CLCN2: variants seen among roughly 807,000 people sequenced by gnomAD.
CLCN2 encodes the protein chloride voltage-gated channel 2, also known as chloride channel protein 2.
Under a neutral mutation model 108.3 loss-of-function variants are expected in CLCN2, and 72 were observed. The observed-to-expected ratio is 0.66, with a 90% CI of 0.55 to 0.81. The LOEUF (loss-of-function observed/expected upper bound fraction) is 0.81. Ranked by LOEUF, CLCN2 falls within the 30% of genes least tolerant of loss-of-function variation. CLCN2 has a pLI of 0.00. For missense variants in CLCN2, 1,048 were observed against 1,205.2 expected (o/e 0.87, Z 1.93); for synonymous variants, 471 against 467.1 (o/e 1.01, Z -0.11).
In CLCN2 at chr3:184,357,281, AG is replaced by A. The variant is rs758836588; in HGVS notation, c.899-16del. The A allele has an allele frequency of 1.9e-5, 30 of 1,613,930 alleles. No homozygotes were observed. Among genetic ancestry groups the A allele is most frequent in the Non-Finnish European group, 2.5e-5 (29 of 1,180,024 alleles). On this transcript the variant is annotated splice_polypyrimidine_tract_variant and intron_variant, in intron 8 of 23. Coordinates refer to ENST00000265593, the MANE Select transcript of CLCN2 (RefSeq NM_004366.6). ...TGTAATAGTCTCTAAAGGGAAGAACAGCAGAGGGAGGCAGGCCTAGCCTCGT... is the reference window on the plus strand; with the variant it reads ...TGTAATAGTCTCTAAAGGGAAGAACACAGAGGGAGGCAGGCCTAGCCTCGT...
rs1711582891 is a variant in CLCN2 at position 184,358,622 on chromosome 3, G to C, written c.352+60C>G. ...GACGCCTTCCTCCATGTCTAGACGAGTGTGGCATGGACGCAGGAGGTTTAT... is the reference window on the plus strand; with the variant it reads ...GACGCCTTCCTCCATGTCTAGACGACTGTGGCATGGACGCAGGAGGTTTAT... On this transcript the variant is annotated intron_variant, in intron 3 of 23. Transcript: ENST00000265593. The C allele has an allele frequency of 3.2e-6, 5 of 1,544,492 alleles. No individual in the cohort carries two copies. In the South Asian group the frequency reaches 4.8e-5, roughly 15 times the overall value.
In CLCN2 at chr3:184,346,803, G is replaced by A. The variant is rs1349878468; in HGVS notation, c.2503-3C>T. The A allele has an allele frequency of 6.2e-7, 1 of 1,614,062 alleles. No homozygotes were observed. The highest frequency in any genetic ancestry group is 2.2e-5 in the East Asian group (1 of 44,880). Reference sequence around the variant, plus strand: ...GAGCCCTCGATGGCCTTCCGGAGCTGGAAAGGTGAGAGGGACAGATGTCTG... The same window carrying A: ...GAGCCCTCGATGGCCTTCCGGAGCTAGAAAGGTGAGAGGGACAGATGTCTG... On this transcript the variant is annotated splice_polypyrimidine_tract_variant and splice_region_variant and intron_variant, in intron 23 of 23. Transcript: ENST00000265593. This position sits in a 1 kb window ranked among gnomAD's most constrained non-coding sequence, Gnocchi z 6.0.
rs560383335 is a variant in CLCN2, at chr3:184,357,354, GC to G, written c.898+7del. ...CTCGGGCTGCCCTCATCCCCTGGGTGCCCCCACCTTCATCCCGGTTCCAGAC... is the reference window on the plus strand; with the variant it reads ...CTCGGGCTGCCCTCATCCCCTGGGTGCCCCACCTTCATCCCGGTTCCAGAC... On this transcript the variant is annotated splice_region_variant and intron_variant, in intron 8 of 23. Coordinates refer to ENST00000265593, the MANE Select transcript of CLCN2 (RefSeq NM_004366.6). The G allele has an allele frequency of 3.3e-5, 53 of 1,614,054 alleles. No individual in the cohort carries two copies. In the African/African-American group the frequency reaches 5.7e-4, roughly 17 times the overall value.
chr3:184,358,528 G>A, intron 3 of CLCN2, 154 bp downstream of exon 3: 7 of 1,169,494 alleles, frequency 6.0e-6, no homozygotes, highest in South Asian at 5.3e-5. Context: ...CTGTGGGAGT[G>A]GCCGAGATGA....
chr3:184,358,416 T>G, intron 3 of CLCN2, 106 bp from the exon 4 acceptor site: 2 of 1,520,870 alleles, frequency 1.3e-6, no homozygotes, highest in Non-Finnish European at 9.1e-7. Context: ...CCACACAGAG[T>G]CAGGGCATGG....
At position 184,357,057 on chromosome 3, in the gene CLCN2, G is replaced by A; in HGVS notation, c.1021C>T (p.Leu341=). ...SGFGGALFVY[L]NRKIVQVMRK... The stretch of plus-strand genomic sequence containing the variant: ...ATCACCTGGACAATCTTCCGGTTCA[G>A]GTAGACAAAGAGGGCTCCACCGAAG... The change falls in exon 10 of 24, where the codon CTG becomes TTG. Residue 341 remains leucine, a synonymous_variant. Coordinates refer to ENST00000265593, the MANE Select transcript of CLCN2 (RefSeq NM_004366.6). The A allele has an allele frequency of 6.2e-7, 1 of 1,613,748 alleles. No homozygotes were observed. Among genetic ancestry groups the A allele is most frequent in the Non-Finnish European group, 8.5e-7 (1 of 1,179,890 alleles).
Position 184,358,303 on chromosome 3 carries a change from C to G in CLCN2, c.360G>C (p.Gln120His). 1.2e-6 allele frequency: 2 copies of G among 1,613,976 alleles called. No individual in the cohort carries two copies. The highest frequency in any genetic ancestry group is 1.1e-5 in the South Asian group (1 of 91,092). ...TGGTGTTCAAGCCCCGGGACATCCA[C>G]TGCTGGGCTGTGGGAAGAGGACCTG... ...YAIAACLQAQ[Q>H]WMSRGLNTSI... The change falls in exon 4 of 24, where the codon CAG (glutamine) becomes CAC (histidine). Residue 120 changes from glutamine to histidine, a missense_variant. Transcript: ENST00000265593.
At chr3:184,347,833 C>A in intron 22 of CLCN2, 1 of 152,488 alleles carries the variant, frequency 6.6e-6, no homozygotes. Context: ...TTTAAGCCCT[C>A]CCCTAAGCTT....
At chr3:184,356,684 T>C in intron 10 of CLCN2, 1 of 397,946 alleles carries the variant, frequency 2.5e-6, no homozygotes, top group Middle Eastern at 7.9e-4. Context: ...CCATGGGTCA[T>C]GGGGGGAACC....
At chr3:184,351,975 G>A (rs891293084) in intron 22 of CLCN2, 38 bp downstream of exon 22, 2 of 1,458,320 alleles carry the variant, frequency 1.4e-6, no homozygotes, top group Non-Finnish European at 1.9e-6. Context: ...TGTGTCCTGA[G>A]AGCCTAGACC....
Position 184,358,085 on chromosome 3 carries a change from G to T in CLCN2, c.492C>A (p.Ile164=), listed in dbSNP as rs766074760. Residue 164 remains isoleucine, a synonymous_variant, in exon 5 of 24, where the codon ATC becomes ATA. Transcript: ENST00000265593. ...ILAPQAVGSG[I]PEMKTILRGV... Reference sequence around the variant, plus strand: ...CCCGCAAGATGGTCTTCATCTCAGGGATGCCAGAGCCTGGAGAGGGAACAG... The same window carrying T: ...CCCGCAAGATGGTCTTCATCTCAGGTATGCCAGAGCCTGGAGAGGGAACAG... The T allele has an allele frequency of 3.1e-6, 5 of 1,614,002 alleles. No homozygotes were observed. In the Admixed American group the frequency reaches 5.0e-5, roughly 16 times the overall value.
In CLCN2 at chr3:184,352,456, C is replaced by T. The variant is rs151278282; in HGVS notation, c.2258G>A (p.Arg753Gln). The change falls in exon 20 of 24, where the codon CGA becomes CAA. Residue 753 changes from arginine (R) to glutamine (Q), a missense_variant. Physicochemically the swap from Arg to Gln is conservative, Grantham distance 43. Transcript: ENST00000265593. ...AGGCATACTTACTGCCAGGGAGATT[C>T]GGACACGCTTCAGCTTGCGCTTCTC... is the stretch of plus-strand genomic sequence containing the variant. The part of the protein sequence containing the change: ...SCEKRKLKRV[R>Q]ISLASDADLE... 3.7e-6 allele frequency: 6 copies of T among 1,613,162 alleles called. No individual in the cohort carries two copies. The African/African-American group carries it at 5.3e-5, about 14-fold the overall frequency.
At position 184,358,160 on chromosome 3, in the gene CLCN2, C is replaced by T. The variant is rs770445535; in HGVS notation, c.481+22G>A. 2.5e-6 allele frequency: 4 copies of T among 1,614,166 alleles called. No individual in the cohort carries two copies. In the Admixed American group the frequency reaches 5.0e-5, roughly 20 times the overall value. ...CCATTTCAGGGGTCCCGCCTCTGCC[C>T]TCCCCTTCTCTTCTAACATACCGAC... On this transcript the variant is annotated intron_variant, in intron 4 of 23. Coordinates refer to ENST00000265593, the MANE Select transcript of CLCN2 (RefSeq NM_004366.6).
In CLCN2 at chr3:184,355,619, T is replaced by C. The variant is rs189517718; in HGVS notation, c.1170+75A>G. 1 of 1,600,632 alleles carries C rather than the reference T, an allele frequency of 6.2e-7. No homozygotes were observed. Among genetic ancestry groups the C allele is most frequent in the East Asian group, 2.2e-5 (1 of 44,810 alleles). On this transcript the variant is annotated intron_variant, in intron 11 of 23. Transcript: ENST00000265593. This position sits in a 1 kb window ranked among gnomAD's most constrained non-coding sequence, Gnocchi z 6.3. Reference sequence around the variant, plus strand: ...CCACGGGGAACAAGGGGTCCCACAGTCACACTGGGGCTGTTGGCTTTGGAG... The same window carrying C: ...CCACGGGGAACAAGGGGTCCCACAGCCACACTGGGGCTGTTGGCTTTGGAG...
Position 184,346,711 on chromosome 3 carries a change from G to A in CLCN2, c.2592C>T (p.Ser864=). Residue 864 remains serine, a synonymous_variant, in exon 24 of 24, where the codon AGC becomes AGT. Transcript: ENST00000265593. This position sits in a 1 kb window ranked among gnomAD's most constrained non-coding sequence, Gnocchi z 6.0. ...GCACCTCAGTGGTCTCCGTGTCACTGCTGCTGGTGGCACTGTCTCGGAAGC... is the reference window on the plus strand; with the variant it reads ...GCACCTCAGTGGTCTCCGTGTCACTACTGCTGGTGGCACTGTCTCGGAAGC... ...LASFRDSATS[S]SDTETTEVHA... 1.2e-6 allele frequency: 2 copies of A among 1,614,188 alleles called. No homozygotes were observed. Among genetic ancestry groups the A allele is most frequent in the Non-Finnish European group, 1.7e-6 (2 of 1,180,026 alleles).
chr3:184,347,109 G>T, intron 22 of CLCN2, 88 bp from the exon 23 acceptor site: 2 of 1,134,880 alleles, frequency 1.8e-6, no homozygotes, highest in Non-Finnish European at 1.3e-6. Flanking sequence ...CAAGGTTGGT[G>T]TGGAATAGGA....
At chr3:184,352,663 T>C in intron 19 of CLCN2, 74 bp downstream of exon 19, 1 of 1,535,972 alleles carries the variant, frequency 6.5e-7, no homozygotes, top group Non-Finnish European at 9.0e-7. Flanking sequence ...ACTGCAGGGT[T>C]AATGACGTGG....
rs1728366693 is a variant in CLCN2 at position 184,354,329 on chromosome 3, A to T, written c.1508-15T>A. 1 of 1,611,314 alleles carries T rather than the reference A, an allele frequency of 6.2e-7. No individual in the cohort carries two copies. Among genetic ancestry groups the T allele is most frequent in the Middle Eastern group, 1.7e-4 (1 of 6,054 alleles). ...CGCAGCTGCCCCTGGGGACAGTCAC[A>T]CTCAGTCTCCTCAGGGTGCCCAGGT... On this transcript the variant is annotated splice_polypyrimidine_tract_variant and intron_variant, in intron 14 of 23. Transcript: ENST00000265593.
chr3:184,359,135 G>C lies in CLCN2; in HGVS notation c.64-4C>G. The C allele has an allele frequency of 6.2e-7, 1 of 1,613,672 alleles. No individual in the cohort carries two copies. Among genetic ancestry groups the C allele is most frequent in the Non-Finnish European group, 8.5e-7 (1 of 1,180,040 alleles). On this transcript the variant is annotated splice_region_variant and splice_polypyrimidine_tract_variant and intron_variant, in intron 1 of 23. Transcript: ENST00000265593. ...CCTGAGTGTACCGGCCATACATCTGGAGCAACAGAGGGGATGGGGGCATTC... is the reference window on the plus strand; with the variant it reads ...CCTGAGTGTACCGGCCATACATCTGCAGCAACAGAGGGGATGGGGGCATTC...
Sources: gnomAD v4.1 joint callset for allele counts on GRCh38, gnomAD v4.1.1 for gene constraint, Gnocchi (gnomAD v3.1) non-coding constraint, MANE v1.5 for transcripts, NCBI Gene and HGNC (gene_info 2026-07-23, HGNC 2026-07-21) for gene names.